The following LY96 variants were observed in gnomAD, a reference collection of about 807,000 sequenced individuals.
The protein encoded by LY96 is lymphocyte antigen 96.
In LY96, 18 loss-of-function variants were observed where a neutral mutation model predicts 18.9. The ratio of observed to expected loss-of-function variants is 0.95; its 90% confidence interval spans 0.66 to 1.41. LY96 has a LOEUF of 1.41. Among genes scored for constraint, LY96 ranks in the 40% most tolerant of loss-of-function variants. The pLI is 0.00. For synonymous variants in LY96, 66 were observed against 62.6 expected (o/e 1.06, Z -0.26); for missense variants, 175 against 182.4 (o/e 0.96, Z 0.23).
Position 74,022,689 on chromosome 8 carries a change from C to A in LY96, c.332-4100C>A, listed in dbSNP as rs552270680. ...TGCCTCCCAGGTTCAAAAGATTCTC[C>A]TGCCCCAGCCTCCCCAGTAGCTGGG... is the stretch of plus-strand genomic sequence containing the variant. On this transcript the variant is annotated intron_variant, in intron 3 of 4. Transcript: ENST00000284818. Among the ~76,000 whole-genome samples the A allele has an allele frequency of 3.4e-3, 520 of 151,664 alleles. 5 individuals are homozygous for A. The highest frequency in any genetic ancestry group is 0.012 in the African/African-American group (497 of 41,278).
chr8:74,023,085 G>A (rs1217268949), intron 3 of LY96, among the ~76,000 whole-genome samples: 1 of 152,168 alleles, frequency 6.6e-6, no homozygotes, highest in Non-Finnish European at 1.5e-5. Flanking sequence ...TTTTGTGTAA[G>A]TGAAATCTAA....
At chr8:74,049,314 T>C in the LY96 span, among the ~76,000 whole-genome samples, 3 of 152,224 alleles carry the variant, frequency 2.0e-5, no homozygotes, top group Non-Finnish European at 2.9e-5. Context: ...CCACTCGTGA[T>C]TGCCTAGCAA....
the LY96 span, among the ~76,000 whole-genome samples, chr8:74,094,642 T>C: frequency 1.3e-5 from 2 of 152,220 alleles, no homozygotes; most frequent in Non-Finnish European, 2.9e-5. Flanking sequence ...GGAGTAATAA[T>C]GATAGTTCTT....
At chr8:74,087,845 T>C in the LY96 span, among the ~76,000 whole-genome samples, 1 of 152,206 alleles carries the variant, frequency 6.6e-6, no homozygotes, top group East Asian at 1.9e-4. Context: ...AAATTATTAG[T>C]TGGGCTCAAC....
the LY96 span, among the ~76,000 whole-genome samples, chr8:74,076,313 A>C: frequency 2.4e-4 from 36 of 151,466 alleles, no homozygotes; most frequent in African/African-American, 8.5e-4. Context: ...TGATTCCAAC[A>C]AACAACCAAG....
intron 1 of LY96, among the ~76,000 whole-genome samples, chr8:73,994,978 A>T (rs1341873036): frequency 6.6e-6 from 1 of 152,184 alleles, no homozygotes; most frequent in Non-Finnish European, 1.5e-5. Flanking sequence ...TTGCAAACTC[A>T]TGTTGAAATT....
the LY96 span, among the ~76,000 whole-genome samples, chr8:74,037,599 C>T: frequency 1.3e-5 from 2 of 152,112 alleles, no homozygotes; most frequent in African/African-American, 4.8e-5. Context: ...TGCCACTGCA[C>T]TCCAGCTGGG....
chr8:74,062,605 A>G, the LY96 span, among the ~76,000 whole-genome samples: 49 of 152,102 alleles, frequency 3.2e-4, no homozygotes, highest in Non-Finnish European at 1.0e-4. Flanking sequence ...ATAGTATTCC[A>G]TGGTGTATAT....
chr8:74,072,370 T>A, the LY96 span, among the ~76,000 whole-genome samples: 30 of 152,238 alleles, frequency 2.0e-4, 1 homozygote, highest in Admixed American at 1.5e-3. Context: ...ATATCTGTTT[T>A]CTGTTCTGTG....
intron 1 of LY96, among the ~76,000 whole-genome samples, chr8:73,999,113 G>A (rs1816211760): frequency 6.6e-6 from 1 of 151,712 alleles, no homozygotes; most frequent in African/African-American, 2.4e-5. Context: ...TGGGACGACA[G>A]GCACCCGCCA....
the LY96 span, among the ~76,000 whole-genome samples, chr8:74,089,225 T>C: frequency 6.6e-6 from 1 of 152,240 alleles, no homozygotes; most frequent in Non-Finnish European, 1.5e-5. Context: ...TGTTTATCTT[T>C]CGATGGATTT....
intron 3 of LY96, among the ~76,000 whole-genome samples, chr8:74,021,501 A>G (rs997922903): frequency 3.3e-5 from 5 of 152,212 alleles, no homozygotes; most frequent in African/African-American, 4.8e-5. Context: ...ACCATTGTGG[A>G]AGACAGTGTG....
chr8:74,011,896 T>C (rs1816539852), intron 3 of LY96, among the ~76,000 whole-genome samples: 1 of 147,010 alleles, frequency 6.8e-6, no homozygotes, highest in Admixed American at 6.8e-5. Context: ...AGGACATGAA[T>C]AGACACTTAT....
the LY96 span, among the ~76,000 whole-genome samples, chr8:74,082,566 G>A: frequency 7.2e-5 from 11 of 152,114 alleles, no homozygotes; most frequent in Admixed American, 1.3e-4. Context: ...CTGCAGGGGC[G>A]GAAAGATTTC....
At chr8:74,086,729 C>G in the LY96 span, among the ~76,000 whole-genome samples, 3 of 152,166 alleles carry the variant, frequency 2.0e-5, no homozygotes, top group Admixed American at 2.0e-4. Flanking sequence ...GCTTTTAAGA[C>G]GTGGGGCCCT....
At chr8:74,019,433 C>A (rs1415862591) in intron 3 of LY96, among the ~76,000 whole-genome samples, 1 of 152,136 alleles carries the variant, frequency 6.6e-6, no homozygotes, top group African/African-American at 2.4e-5. Context: ...AATTAATAGC[C>A]TACCAACCAA....
intron 1 of LY96, among the ~76,000 whole-genome samples, chr8:74,003,348 T>C (rs1007728666): frequency 1.2e-4 from 19 of 152,222 alleles, no homozygotes; most frequent in African/African-American, 4.6e-4. Flanking sequence ...GTGGGCTAGC[T>C]TGAAGCAGGC....
At chr8:74,078,488 A>T in the LY96 span, among the ~76,000 whole-genome samples, 1 of 152,214 alleles carries the variant, frequency 6.6e-6, no homozygotes, top group Non-Finnish European at 1.5e-5. Flanking sequence ...TCTAGGATTC[A>T]CAGTATGCAG....
rs549548751 is a variant in LY96 at position 74,017,127 on chromosome 8, C to T, written c.331+6998C>T. Among the ~76,000 whole-genome samples the T allele has an allele frequency of 6.6e-5, 10 of 152,240 alleles. 1 individual carries two copies. Among genetic ancestry groups the T allele is most frequent in the African/African-American group, 2.4e-4 (10 of 41,532 alleles). On this transcript the variant is annotated intron_variant, in intron 3 of 4. Coordinates refer to ENST00000284818, the MANE Select transcript of LY96 (RefSeq NM_015364.5). ...GCTGAGCTAAAGGAGGATGTTCGAACCCATCGCAAGGAAGCTAAAAACCTT... is the reference window on the plus strand; with the variant it reads ...GCTGAGCTAAAGGAGGATGTTCGAATCCATCGCAAGGAAGCTAAAAACCTT...
Sources: gnomAD v4.1 joint callset for allele counts (sites outside exome capture counted in the v4.1 genomes callset) on GRCh38, gnomAD v4.1.1 for gene constraint, MANE v1.5 for transcripts, NCBI Gene and HGNC (gene_info 2026-07-23, HGNC 2026-07-21) for gene names.